ZFHX4: variants seen among roughly 807,000 people sequenced by gnomAD.
ZFHX4 encodes zinc finger homeobox 4.
ZFHX4 carries 56 observed loss-of-function variants against 267.6 expected under a neutral mutation model. The ratio of observed to expected loss-of-function variants is 0.21; its 90% CI spans 0.17 to 0.26. The LOEUF (loss-of-function observed/expected upper bound fraction) is 0.26. Ranked by LOEUF, ZFHX4 falls within the 10% of genes least tolerant of loss-of-function variation. The pLI is 1.00. For synonymous variants in ZFHX4, 1,778 were observed against 1,665.6 expected (o/e 1.07, Z -1.64); for missense variants, 4,332 against 4,420.0 (o/e 0.98, Z 0.56).
intron 4 of ZFHX4, among the ~76,000 whole-genome samples, chr8:76,790,243 T>C (rs1457479262): frequency 1.3e-5 from 2 of 152,180 alleles, no homozygotes; most frequent in Non-Finnish European, 2.9e-5. Flanking sequence ...GAATATACTT[T>C]AAACGTATTA....
intron 6 of ZFHX4, 49 bp downstream of exon 6, chr8:76,842,820 T>G (rs1324770998): frequency 7.6e-7 from 1 of 1,317,234 alleles, no homozygotes; most frequent in African/African-American, 1.5e-5. Context: ...ACCCATTCCC[T>G]GCCATCAACT....
chr8:76,717,146 C>T (rs1434962279), intron 3 of ZFHX4, among the ~76,000 whole-genome samples: 1 of 152,124 alleles, frequency 6.6e-6, no homozygotes, highest in Admixed American at 6.5e-5. Context: ...GTTGTATTCA[C>T]TTGCTACTTC....
intron 3 of ZFHX4, among the ~76,000 whole-genome samples, chr8:76,731,154 T>G (rs1427309306): frequency 6.6e-6 from 1 of 152,192 alleles, no homozygotes; most frequent in Non-Finnish European, 1.5e-5. Flanking sequence ...GAGACTGTCC[T>G]GAGTATATAC....
Position 76,850,970 on chromosome 8 carries a change from C to T in ZFHX4, c.4049C>T (p.Pro1350Leu), listed in dbSNP as rs373819445. 83 of 1,613,588 alleles carry T rather than the reference C, an allele frequency of 5.1e-5. 1 individual carries two copies. Among genetic ancestry groups the T allele is most frequent in the South Asian group, 2.1e-4 (19 of 91,028 alleles). Residue 1350 changes from proline (P) to leucine (L), a missense_variant, in exon 10 of 11, where the codon CCG becomes CTG. Transcript: ENST00000651372. ...NVEVKNEEQK[P>L]TKEPLEVSEW... ...GAAGTAAAGAATGAGGAGCAGAAAC[C>T]GACTAAAGAACCCTTGGAAGTCTCA...
chr8:76,830,948 A>G (rs1341993878), intron 4 of ZFHX4, among the ~76,000 whole-genome samples: 2 of 152,178 alleles, frequency 1.3e-5, no homozygotes, highest in Non-Finnish European at 1.5e-5. Context: ...ATATTGTGGT[A>G]TTACAACTAG....
intron 3 of ZFHX4, among the ~76,000 whole-genome samples, chr8:76,751,990 A>G (rs1809625807): frequency 6.6e-6 from 1 of 152,180 alleles, no homozygotes; most frequent in Non-Finnish European, 1.5e-5. Context: ...GTCTATGTTA[A>G]TATTTACCAG....
intron 3 of ZFHX4, among the ~76,000 whole-genome samples, chr8:76,758,198 A>G (rs1302495685): frequency 1.3e-5 from 2 of 152,130 alleles, no homozygotes; most frequent in Non-Finnish European, 1.5e-5. Context: ...AACAGGTATG[A>G]AAAATGCTTT....
At chr8:76,702,695 G>A (rs1391008829) in intron 1 of ZFHX4, among the ~76,000 whole-genome samples, 1 of 152,084 alleles carries the variant, frequency 6.6e-6, no homozygotes, top group African/African-American at 2.4e-5. Flanking sequence ...AAATTGTCAG[G>A]ATATGTGAAA....
At chr8:76,732,514 T>G (rs1324650957) in intron 3 of ZFHX4, among the ~76,000 whole-genome samples, 2 of 152,042 alleles carry the variant, frequency 1.3e-5, no homozygotes, top group Non-Finnish European at 2.9e-5. Flanking sequence ...TCACTTAAAA[T>G]TAAACATTCC....
chr8:76,850,335 A>G lies in ZFHX4; in HGVS notation c.3937A>G (p.Thr1313Ala). Reference protein sequence around the residue: ...KSERDTPAAVTAEGSGKYSGE... With the variant: ...KSERDTPAAVAAEGSGKYSGE... The stretch of plus-strand genomic sequence containing the variant: ...AGAGCGGGACACACCTGCAGCCGTG[A>G]CAGCTGAGGGGTCTGGGAAATATTC... Residue 1313 changes from threonine (T) to alanine (A), a missense_variant, in exon 9 of 11, where the codon ACA becomes GCA. By Grantham distance (58) the Thr-to-Ala change is moderately conservative (BLOSUM62 0). Around this residue, in one of 7 missense-constraint regions of ZFHX4, gnomAD observed 1,371 missense variants for 1,423.1 expected, o/e 0.96. Transcript: ENST00000651372. 1 of 1,612,698 alleles carries G rather than the reference A, an allele frequency of 6.2e-7. No individual in the cohort carries two copies. Among genetic ancestry groups the G allele is most frequent in the Non-Finnish European group, 8.5e-7 (1 of 1,179,432 alleles).
intron 3 of ZFHX4, among the ~76,000 whole-genome samples, chr8:76,776,940 A>G (rs1282851990): frequency 6.6e-6 from 1 of 152,180 alleles, no homozygotes; most frequent in Non-Finnish European, 1.5e-5. Context: ...GGGGGAGGGA[A>G]GGTAGAAATC....
At chr8:76,814,019 A>G (rs548074208) in intron 4 of ZFHX4, among the ~76,000 whole-genome samples, 2 of 152,160 alleles carry the variant, frequency 1.3e-5, no homozygotes, top group African/African-American at 2.4e-5. Context: ...ATGTCCATGT[A>G]GTTTGACAAT....
chr8:76,825,442 G>A (rs533579575), intron 4 of ZFHX4, among the ~76,000 whole-genome samples: 14 of 152,324 alleles, frequency 9.2e-5, no homozygotes, highest in Non-Finnish European at 1.3e-4. Context: ...TTCCTTGCTC[G>A]AAGAGCAGCC....
At chr8:76,696,867 T>C (rs1480766205) in intron 1 of ZFHX4, among the ~76,000 whole-genome samples, 1 of 151,926 alleles carries the variant, frequency 6.6e-6, no homozygotes, top group African/African-American at 2.4e-5. Flanking sequence ...TTTGGTAGAG[T>C]CTAAGAGTAT....
At chr8:76,692,469 T>C (rs7011404) in intron 1 of ZFHX4, among the ~76,000 whole-genome samples, 33,659 of 152,012 alleles carry the variant, frequency 0.22, 6,976 homozygotes, top group African/African-American at 0.54. Flanking sequence ...AGAGATCCAG[T>C]TATTAATAAT....
intron 3 of ZFHX4, among the ~76,000 whole-genome samples, chr8:76,747,669 C>A (rs570686484): frequency 6.6e-6 from 1 of 152,114 alleles, no homozygotes; most frequent in African/African-American, 2.4e-5. Flanking sequence ...CAGTGGCTCA[C>A]GCCTGTAATC....
rs890295481 is a variant in ZFHX4, at chr8:76,855,776, G to T, written c.8855G>T (p.Arg2952Leu). 11 of 1,613,770 alleles carry T rather than the reference G, an allele frequency of 6.8e-6. No individual in the cohort carries two copies. The highest frequency in any genetic ancestry group is 1.7e-5 in the Admixed American group (1 of 60,002). ...KVLKACFSDY[R>L]TPTMQECEML... ...CTCAAGGCTTGCTTTAGTGACTACC[G>T]AACTCCAACCATGCAAGAATGTGAA... The change falls in exon 10 of 11, where the codon CGA becomes CTA. Residue 2952 changes from arginine to leucine, a missense_variant. Coordinates refer to ENST00000651372, the MANE Select transcript of ZFHX4 (RefSeq NM_024721.5).
chr8:76,742,383 A>C (rs1376349645), intron 3 of ZFHX4, among the ~76,000 whole-genome samples: 1 of 152,146 alleles, frequency 6.6e-6, no homozygotes, highest in African/African-American at 2.4e-5. Flanking sequence ...CAGCCATACA[A>C]CTGGACCTTT....
At chr8:76,687,115 C>T (rs553992629) in intron 1 of ZFHX4, among the ~76,000 whole-genome samples, 1 of 152,264 alleles carries the variant, frequency 6.6e-6, no homozygotes, top group South Asian at 2.1e-4. Context: ...ATCAGCTAGG[C>T]ACAATTGCAG....
Sources: gnomAD v4.1 joint callset for allele counts (sites outside exome capture counted in the v4.1 genomes callset) on GRCh38, gnomAD v4.1.1 for gene constraint, gnomAD v4.1.1 regional missense constraint, MANE v1.5 for transcripts, NCBI Gene and HGNC (gene_info 2026-07-23, HGNC 2026-07-21) for gene names.